Variants in SPTLC1 observed in about 807,000 individuals in gnomAD.
SPTLC1 encodes serine palmitoyltransferase long chain base subunit 1.
SPTLC1 carries 55 observed loss-of-function variants against 68.9 expected under a neutral mutation model. That is an observed-to-expected ratio of 0.80 (90% CI 0.64 to 1.00). The LOEUF is 1.00. Ranked by LOEUF, SPTLC1 falls within the 50% of genes least tolerant of loss-of-function variation. The pLI is 0.00. For missense variants in SPTLC1, 449 were observed against 573.1 expected (o/e 0.78, Z 2.21); for synonymous variants, 197 against 201.6 (o/e 0.98, Z 0.19).
chr9:92,061,528 A>G (rs993265061), intron 6 of SPTLC1, among the ~76,000 whole-genome samples: 4 of 152,232 alleles, frequency 2.6e-5, no homozygotes, highest in African/African-American at 9.6e-5. Context: ...GAAAAAAGCC[A>G]TAAAAGAATA....
chr9:92,058,306 A>G (rs1833965834), intron 7 of SPTLC1, among the ~76,000 whole-genome samples: 1 of 151,970 alleles, frequency 6.6e-6, no homozygotes, highest in Non-Finnish European at 1.5e-5. Flanking sequence ...AAATATTTGG[A>G]AAATTGAAAA....
intron 3 of SPTLC1, among the ~76,000 whole-genome samples, chr9:92,087,799 C>G (rs1835206995): frequency 6.6e-6 from 1 of 152,244 alleles, no homozygotes; most frequent in Non-Finnish European, 1.5e-5. Context: ...ACATTTAAGT[C>G]TGCAGAGGTT....
chr9:92,053,779 G>A (rs946615558), intron 8 of SPTLC1: 1 of 172,608 alleles, frequency 5.8e-6, no homozygotes, highest in African/African-American at 2.4e-5. Context: ...AATGGGGAGT[G>A]ACTGTTTAAT....
intron 5 of SPTLC1, among the ~76,000 whole-genome samples, chr9:92,075,523 T>C (rs143255712): frequency 4.2e-4 from 64 of 152,306 alleles, no homozygotes; most frequent in Middle Eastern, 3.4e-3. Flanking sequence ...AACGCAGGGC[T>C]GCGCTGTAGG....
At chr9:92,037,178 T>C (rs1183387659) in intron 13 of SPTLC1, among the ~76,000 whole-genome samples, 4 of 152,214 alleles carry the variant, frequency 2.6e-5, no homozygotes, top group African/African-American at 9.6e-5. Context: ...GTCTGTATAC[T>C]GCACAGCCAT....
At chr9:92,097,621 G>A (rs528112902) in intron 3 of SPTLC1, among the ~76,000 whole-genome samples, 1 of 152,294 alleles carries the variant, frequency 6.6e-6, no homozygotes, top group African/African-American at 2.4e-5. Flanking sequence ...GTCCAGAATA[G>A]GCAAGTCCAT....
At chr9:92,083,757 G>GT (rs1476439884) in intron 3 of SPTLC1, among the ~76,000 whole-genome samples, 2 of 152,050 alleles carry the variant, frequency 1.3e-5, no homozygotes, top group East Asian at 1.9e-4. Context: ...CTTTAAAGTA[G>GT]TTTTTTCCAA....
At chr9:92,083,674 T>A (rs1167492823) in intron 3 of SPTLC1, among the ~76,000 whole-genome samples, 1 of 152,168 alleles carries the variant, frequency 6.6e-6, no homozygotes, top group Non-Finnish European at 1.5e-5. Flanking sequence ...TCAGGTAGCA[T>A]GATGCCTCCA....
At chr9:92,061,945 A>C (rs1834120806) in intron 6 of SPTLC1, among the ~76,000 whole-genome samples, 2 of 152,222 alleles carry the variant, frequency 1.3e-5, no homozygotes, top group Admixed American at 6.5e-5. Flanking sequence ...ACAAGAAACA[A>C]AAAGCAAAAT....
At chr9:92,114,993 TTTTA>T in intron 1 of SPTLC1, 1 of 449,794 alleles carries the variant, frequency 2.2e-6, no homozygotes, top group South Asian at 2.3e-5. Context: ...CACCACTCCG[TTTTA>T]TCGTCCGTCT....
chr9:92,077,365 C>T lies in SPTLC1; in HGVS notation c.427+2651G>A, dbSNP rs944474310. ...AGACACCCTAGCCGGACGGTCAGTT[C>T]TTGTTAAGAACCTGACCCCTCAAAC... On this transcript the variant is annotated intron_variant, in intron 5 of 14. Transcript: ENST00000262554. 1.1e-4 allele frequency among the ~76,000 whole-genome samples: 17 copies of T among 152,132 alleles called. 1 individual carries two copies. The highest frequency in any genetic ancestry group is 4.1e-4 in the African/African-American group (17 of 41,408).
chr9:92,114,140 G>A (rs1587628320), intron 1 of SPTLC1, among the ~76,000 whole-genome samples: 2 of 152,076 alleles, frequency 1.3e-5, no homozygotes, highest in East Asian at 3.9e-4. Context: ...GTTGGGCATG[G>A]TGGTATGTGG....
chr9:92,105,106 G>C (rs1835907377), intron 3 of SPTLC1: 2 of 1,533,162 alleles, frequency 1.3e-6, no homozygotes, highest in African/African-American at 2.7e-5. Flanking sequence ...TGCAGCCCAA[G>C]GATCCTGCAG....
chr9:92,069,606 A>G (rs1428783153), intron 5 of SPTLC1, among the ~76,000 whole-genome samples: 1 of 152,218 alleles, frequency 6.6e-6, no homozygotes, highest in Non-Finnish European at 1.5e-5. Flanking sequence ...TCTAGCAAGA[A>G]AGAGGAAAAC....
At chr9:92,104,720 A>G (rs1835892511) in intron 3 of SPTLC1, 1 of 1,531,036 alleles carries the variant, frequency 6.5e-7, no homozygotes, top group South Asian at 1.2e-5. Context: ...GCAGGAGGAC[A>G]ATAAAAGGGG....
Position 92,112,323 on chromosome 9 carries a change from A to T in SPTLC1, c.165+132T>A, listed in dbSNP as rs1411686213. ...CATATTTTGCCTACCCTAATAATTC[A>T]TTCCCCTTGATTTCCTTACATTACA... is the stretch of plus-strand genomic sequence containing the variant. On this transcript the variant is annotated intron_variant, in intron 2 of 14. Transcript: ENST00000262554. 8.9e-6 allele frequency: 6 copies of T among 677,652 alleles called. No individual in the cohort carries two copies. In the East Asian group the frequency reaches 1.4e-4, roughly 15 times the overall value. 42.0% of individuals were successfully genotyped at this position (677,652 alleles called of 1,614,324 possible). A position where few individuals can be genotyped will look rare whatever the true frequency, so the allele number is the denominator to read the frequency against.
intron 3 of SPTLC1, 197 bp downstream of exon 3, chr9:92,108,543 A>T (rs1836091853): frequency 3.0e-6 from 2 of 658,766 alleles, no homozygotes; most frequent in Non-Finnish European, 5.0e-6. Context: ...ATTAATGCTT[A>T]AATTGGAGAT....
intron 3 of SPTLC1, among the ~76,000 whole-genome samples, chr9:92,105,645 G>A (rs567631683): frequency 2.1e-5 from 3 of 142,434 alleles, no homozygotes; most frequent in Admixed American, 7.0e-5. Context: ...CCTGGCCACC[G>A]CACCGTCTGG....
chr9:92,054,868 C>T (rs759640264), intron 8 of SPTLC1, among the ~76,000 whole-genome samples: 2 of 151,810 alleles, frequency 1.3e-5, no homozygotes, highest in South Asian at 2.1e-4. Context: ...GCCAAGATGG[C>T]GCCACTGCAC....
Sources: gnomAD v4.1 joint callset for allele counts (sites outside exome capture counted in the v4.1 genomes callset) on GRCh38, gnomAD v4.1.1 for gene constraint, MANE v1.5 for transcripts, NCBI Gene and HGNC (gene_info 2026-07-23, HGNC 2026-07-21) for gene names.